The following DAZAP2 variants were observed in gnomAD, a reference collection of about 807,000 sequenced individuals.
DAZAP2 encodes DAZ associated protein 2, also known as DAZ-associated protein 2.
In DAZAP2, 3 loss-of-function variants were observed where a neutral mutation model predicts 16.2. The observed-to-expected ratio is 0.19, with a 90% CI of 0.08 to 0.48. The LOEUF (loss-of-function observed/expected upper bound fraction) is 0.48. Ranked by LOEUF, DAZAP2 falls within the 20% of genes least tolerant of loss-of-function variation. The probability of loss-of-function intolerance (pLI) is 0.98; values close to 1 mark genes in which losing one functional copy is unlikely to be tolerated. For missense variants in DAZAP2, 172 were observed against 215.9 expected, an observed-to-expected ratio of 0.80 and a Z score of 1.27; for synonymous variants, 69 against 77.6, an observed-to-expected ratio of 0.89 and a Z score of 0.58.
In DAZAP2 at chr12:51,240,377, G is replaced by A. The variant is rs760573333; in HGVS notation, c.48G>A (p.Gln16=). The change falls in exon 2 of 4, where the codon CAG becomes CAA. Residue 16 remains glutamine, a synonymous_variant. Coordinates refer to ENST00000412716, the MANE Select transcript of DAZAP2 (RefSeq NM_014764.4). ...QYPTQPTYPV[Q]PPGNPVYPQT... ...CAACACAGCCAACCTACCCTGTGCA[G>A]CCTCCTGGGAATCCAGTATACCCTC... is the stretch of plus-strand genomic sequence containing the variant. 4.3e-6 allele frequency: 7 copies of A among 1,613,992 alleles called. No homozygotes were observed. The highest frequency in any genetic ancestry group is 1.6e-4 in the Middle Eastern group (1 of 6,062).
chr12:51,242,270 A>AT (rs1944690982), intron 3 of DAZAP2, 60 bp from the exon 4 acceptor site: 1 of 1,522,822 alleles, frequency 6.6e-7, no homozygotes, highest in African/African-American at 1.4e-5. Context: ...TGCTTCCCCT[A>AT]TGTCCCCTTC....
intron 1 of DAZAP2, 177 bp downstream of exon 1, chr12:51,239,097 T>C: frequency 1.1e-6 from 1 of 874,798 alleles, no homozygotes; most frequent in Non-Finnish European, 1.7e-6. Context: ...TTACGGCAGC[T>C]TGCTGCCTCC....
chr12:51,246,223 G>A (rs1944768561), downstream of DAZAP2: 7 of 1,496,168 alleles, frequency 4.7e-6, no homozygotes, highest in Non-Finnish European at 4.5e-6. Context: ...AGATCCTCTT[G>A]TTTTCATTAA....
chr12:51,245,968 G>C (rs779212592), downstream of DAZAP2: 1 of 1,613,848 alleles, frequency 6.2e-7, no homozygotes, highest in South Asian at 1.1e-5. Context: ...CTTTCTCGCT[G>C]CCCTTGGCCA....
chr12:51,243,581 T>G lies in DAZAP2; in HGVS notation c.*1123T>G, dbSNP rs192230455. 1.6e-3 allele frequency: 1,576 copies of G among 977,720 alleles called. 1 individual carries two copies. Among genetic ancestry groups the G allele is most frequent in the Non-Finnish European group, 1.7e-3 (1,431 of 822,214 alleles). The allele number at this position is 977,720 out of a possible 1,614,324, so 60.6% of individuals were successfully genotyped here. ...TTTTGTTTTCTGAAATTGGATTTTATTTTATTTTATCTTATAATTTCAGTT... is the reference window on the plus strand; with the variant it reads ...TTTTGTTTTCTGAAATTGGATTTTAGTTTATTTTATCTTATAATTTCAGTT... On this transcript the variant is annotated 3_prime_UTR_variant, in exon 4 of 4. Coordinates refer to ENST00000412716, the MANE Select transcript of DAZAP2 (RefSeq NM_014764.4).
Position 51,243,657 on chromosome 12 carries a change from G to A in DAZAP2, c.*1199G>A. 12 of 985,722 alleles carry A rather than the reference G, an allele frequency of 1.2e-5. No homozygotes were observed. The highest frequency in any genetic ancestry group is 1.4e-5 in the Non-Finnish European group (12 of 829,846). 61.1% of individuals were successfully genotyped at this position (985,722 alleles called of 1,614,324 possible). ...GTGATGTTTGACTGTACCATTGACTGTTATGGAAGTTCAGCGTTGTATGTC... is the reference window on the plus strand; with the variant it reads ...GTGATGTTTGACTGTACCATTGACTATTATGGAAGTTCAGCGTTGTATGTC... On this transcript the variant is annotated 3_prime_UTR_variant, in exon 4 of 4. Transcript: ENST00000412716.
At chr12:51,240,577 C>G in intron 2 of DAZAP2, 116 bp downstream of exon 2, 3 of 1,057,158 alleles carry the variant, frequency 2.8e-6, no homozygotes, top group Non-Finnish European at 4.2e-6. Flanking sequence ...CATGAATAAT[C>G]TAAAACACTA....
rs146146716 is a variant in DAZAP2, at chr12:51,243,574, GATTTT to G, written c.*1129_*1133del. ...TTTTGATTTTTGTTTTCTGAAATTG[GATTTT>G]ATTTTATTTTATCTTATAATTTCAG... is the stretch of plus-strand genomic sequence containing the variant. On this transcript the variant is annotated 3_prime_UTR_variant, in exon 4 of 4. Coordinates refer to ENST00000412716, the MANE Select transcript of DAZAP2 (RefSeq NM_014764.4). 47,767 of 985,160 alleles carry G rather than the reference GATTTT, an allele frequency of 0.048. 1,191 individuals are homozygous for G. Among genetic ancestry groups the G allele is most frequent in the Middle Eastern group, 0.085 (162 of 1,914 alleles). 61.0% of individuals were successfully genotyped at this position (985,160 alleles called of 1,614,324 possible).
downstream of DAZAP2, chr12:51,246,555 T>C (rs1024754951): frequency 2.5e-5 from 12 of 476,422 alleles, no homozygotes; most frequent in African/African-American, 1.8e-4. Flanking sequence ...CCTCCCAACC[T>C]GTCATTTACT....
chr12:51,245,251 A>G (rs1314088051), downstream of DAZAP2: 1 of 152,332 alleles, frequency 6.6e-6, no homozygotes, highest in Non-Finnish European at 1.5e-5. Flanking sequence ...TGCTTGGAAG[A>G]GAACATATGT....
At chr12:51,246,683 C>A, downstream of DAZAP2, 1 of 1,254,190 alleles carries the variant, frequency 8.0e-7, no homozygotes, top group Non-Finnish European at 1.1e-6. Flanking sequence ...TGGATTTGGT[C>A]AGGCTCCCTC....
Position 51,240,852 on chromosome 12 carries a change from T to C in DAZAP2, c.133-19T>C, listed in dbSNP as rs1298574575. 3 of 1,606,552 alleles carry C rather than the reference T, an allele frequency of 1.9e-6. No homozygotes were observed. The highest frequency in any genetic ancestry group is 2.6e-6 in the Non-Finnish European group (3 of 1,174,348). On this transcript the variant is annotated intron_variant, in intron 2 of 3. Transcript: ENST00000412716. ...AATGTCATAAAGTAACATTTTGCCT[T>C]CTCTTCTGCCTCTTCTAGCTCTATC...
downstream of DAZAP2, chr12:51,244,990 A>AT (rs200318702): frequency 2.7e-3 from 418 of 152,106 alleles, 19 homozygotes; most frequent in East Asian, 0.065. Flanking sequence ...ACGCCCAGCT[A>AT]TTTTTTTTAT....
chr12:51,246,086 G>A (rs751717057), downstream of DAZAP2: 36 of 1,613,824 alleles, frequency 2.2e-5, no homozygotes, highest in African/African-American at 2.7e-4. Flanking sequence ...GATCACGACC[G>A]AGAGCAGGGT....
At chr12:51,246,218 C>T (rs1039229984), downstream of DAZAP2, 5 of 1,509,848 alleles carry the variant, frequency 3.3e-6, no homozygotes, top group African/African-American at 2.8e-5. Context: ...CGTAAAGATC[C>T]TCTTGTTTTC....
rs1205294723 is a variant in DAZAP2 at position 51,243,927 on chromosome 12, A to C, written c.*1469A>C. The C allele has an allele frequency of 1.0e-5, 10 of 984,586 alleles. No homozygotes were observed. Among genetic ancestry groups the C allele is most frequent in the Non-Finnish European group, 9.6e-6 (8 of 829,294 alleles). The allele number at this position is 984,586 out of a possible 1,614,324, so 61.0% of individuals were successfully genotyped here. A position where few individuals can be genotyped will look rare whatever the true frequency, so the allele number is the denominator to read the frequency against. On this transcript the variant is annotated 3_prime_UTR_variant, in exon 4 of 4. Coordinates refer to ENST00000412716, the MANE Select transcript of DAZAP2 (RefSeq NM_014764.4). ...GCTTTGAAATAAAGGCAGGAGTACA[A>C]GCCTAAGACTTGATCATTTCATGAA... is the stretch of plus-strand genomic sequence containing the variant.
rs113479053 is a variant in DAZAP2, at chr12:51,243,225, T to G, written c.*767T>G. The G allele has an allele frequency of 0.054, 52,984 of 985,860 alleles. 1,550 individuals carry two copies. The highest frequency in any genetic ancestry group is 0.13 in the South Asian group (2,674 of 21,290). The allele number at this position is 985,860 out of a possible 1,614,324, so 61.1% of individuals were successfully genotyped here. ...ACACGAACCTAACCCAAATTTGCTT[T>G]GGTGCCAGAAAAACTGAGCTATGTT... On this transcript the variant is annotated 3_prime_UTR_variant, in exon 4 of 4. Transcript: ENST00000412716.
downstream of DAZAP2, chr12:51,245,721 T>A: frequency 1.9e-6 from 1 of 514,726 alleles, no homozygotes. Context: ...ACACCAGCTC[T>A]AGTAAGAGGG....
rs376713335 is a variant in DAZAP2 at position 51,238,865 on chromosome 12, A to G, written c.-43A>G. On this transcript the variant is annotated 5_prime_UTR_variant, in exon 1 of 4. Transcript: ENST00000412716. ...TCCGAACAGGAAGAGGACGAAAAAA[A>G]TAACCGTCCGCGACGCCGAGACAAA... 27 of 1,612,708 alleles carry G rather than the reference A, an allele frequency of 1.7e-5. No individual in the cohort carries two copies. The highest frequency in any genetic ancestry group is 5.0e-5 in the Admixed American group (3 of 59,988).
Sources: allele counts gnomAD v4.1 joint callset, GRCh38; gene constraint gnomAD v4.1.1; transcripts MANE v1.5; gene names NCBI Gene and HGNC (gene_info 2026-07-23, HGNC 2026-07-21).